REEP1: variants seen among roughly 807,000 people sequenced by gnomAD.
REEP1 encodes the protein receptor accessory protein 1, also known as receptor expression-enhancing protein 1.
In REEP1, 22 loss-of-function variants were observed where a neutral mutation model predicts 40.3. That is an observed-to-expected ratio of 0.55 (90% CI 0.39 to 0.78). REEP1 has a LOEUF of 0.78. Ranked by LOEUF, REEP1 falls within the 30% of genes least tolerant of loss-of-function variation. The probability of loss-of-function intolerance (pLI) is 0.00; values close to 1 mark genes in which losing one functional copy is unlikely to be tolerated. For synonymous variants in REEP1, 116 were observed against 139.2 expected, an observed-to-expected ratio of 0.83 and a Z score of 1.17; for missense variants, 280 against 361.1, an observed-to-expected ratio of 0.78 and a Z score of 1.82.
intron 1 of REEP1, among the ~76,000 whole-genome samples, chr2:86,332,436 AACACACACACAC>A (rs55793634): frequency 1.7e-4 from 23 of 136,228 alleles, no homozygotes; most frequent in South Asian, 7.6e-4. Context: ...CTTTCCTGGA[AACACACACACAC>A]ACACACACAC....
At chr2:86,271,568 T>C (rs1165458045) in intron 2 of REEP1, among the ~76,000 whole-genome samples, 1 of 152,242 alleles carries the variant, frequency 6.6e-6, no homozygotes, top group Non-Finnish European at 1.5e-5. Flanking sequence ...ATGAAAGCTG[T>C]TCTGGTGAAT....
At chr2:86,258,815 C>A (rs572046029) in intron 3 of REEP1, among the ~76,000 whole-genome samples, 2 of 152,332 alleles carry the variant, frequency 1.3e-5, no homozygotes, top group South Asian at 2.1e-4. Flanking sequence ...TTTCCTCCAT[C>A]TTTTCCAAGG....
At chr2:86,252,653 GC>G (rs1311583031) in intron 4 of REEP1, among the ~76,000 whole-genome samples, 2 of 152,318 alleles carry the variant, frequency 1.3e-5, no homozygotes, top group South Asian at 2.1e-4. Flanking sequence ...ACAGGGTTGA[GC>G]CCTTGCAGTT....
chr2:86,327,797 G>C (rs969070875), intron 1 of REEP1, among the ~76,000 whole-genome samples: 1 of 152,104 alleles, frequency 6.6e-6, no homozygotes, highest in Non-Finnish European at 1.5e-5. Context: ...TGGATCTCCT[G>C]ATCTCATGAT....
intron 8 of REEP1, among the ~76,000 whole-genome samples, chr2:86,217,538 C>T (rs1037684157): frequency 6.6e-6 from 1 of 152,116 alleles, no homozygotes; most frequent in Admixed American, 6.6e-5. Flanking sequence ...AATTTCCAGT[C>T]CCCTTTCTGG....
At chr2:86,303,731 G>A (rs1679360541) in intron 1 of REEP1, among the ~76,000 whole-genome samples, 1 of 152,134 alleles carries the variant, frequency 6.6e-6, no homozygotes, top group African/African-American at 2.4e-5. Context: ...TGAAAGGTGA[G>A]CAGGGATTTG....
At chr2:86,310,742 T>A (rs1243721712) in intron 1 of REEP1, among the ~76,000 whole-genome samples, 2 of 152,138 alleles carry the variant, frequency 1.3e-5, no homozygotes, top group African/African-American at 4.8e-5. Context: ...TATGTGTGTG[T>A]GTGTATGTGT....
At chr2:86,259,546 C>T (rs1676747075) in intron 3 of REEP1, among the ~76,000 whole-genome samples, 1 of 151,664 alleles carries the variant, frequency 6.6e-6, no homozygotes, top group South Asian at 2.1e-4. Context: ...ACCACCACAC[C>T]CAGCTAATTT....
intron 2 of REEP1, among the ~76,000 whole-genome samples, chr2:86,266,902 G>A (rs1483804005): frequency 6.6e-6 from 1 of 151,908 alleles, no homozygotes; most frequent in East Asian, 1.9e-4. Flanking sequence ...AGCTACTCAG[G>A]AGGCTGAGGT....
intron 5 of REEP1, among the ~76,000 whole-genome samples, chr2:86,243,046 G>A (rs2104144390): frequency 6.6e-6 from 1 of 152,282 alleles, no homozygotes; most frequent in South Asian, 2.1e-4. Flanking sequence ...ATATTCAGCA[G>A]AGAACCAGGA....
At chr2:86,274,757 T>C (rs1677648850) in intron 2 of REEP1, among the ~76,000 whole-genome samples, 1 of 152,120 alleles carries the variant, frequency 6.6e-6, no homozygotes, top group Non-Finnish European at 1.5e-5. Context: ...CCTGGACAAA[T>C]GGAACGTTGA....
chr2:86,221,541 T>A lies in REEP1; in HGVS notation c.632-1420A>T, dbSNP rs551410422. Among the ~76,000 whole-genome samples, 8 of 152,292 alleles carry A rather than the reference T, an allele frequency of 5.3e-5. No homozygotes were observed. In the East Asian group the frequency reaches 1.5e-3, roughly 29 times the overall value. On this transcript the variant is annotated intron_variant, in intron 7 of 8. Coordinates refer to ENST00000538924, the MANE Select transcript of REEP1 (RefSeq NM_001371279.1). ...TCCAGGGAGCCCTCGCTGAATACTC[T>A]GACCCTCCCTGGCCTCCCCACTCTG...
Position 86,282,160 on chromosome 2 carries a change from T to C in REEP1, c.105+10A>G, listed in dbSNP as rs776380158. 1.3e-5 allele frequency: 20 copies of C among 1,591,654 alleles called. No individual in the cohort carries two copies. The African/African-American group carries it at 2.1e-4, about 17-fold the overall frequency. On this transcript the variant is annotated intron_variant, in intron 2 of 8. Coordinates refer to ENST00000538924, the MANE Select transcript of REEP1 (RefSeq NM_001371279.1). ...AGCCAACCCGCTCGAAAATACACAG[T>C]GCTACTTACATATTCCTTAATGTCC... is the stretch of plus-strand genomic sequence containing the variant.
intron 1 of REEP1, among the ~76,000 whole-genome samples, chr2:86,283,514 ACT>A (rs1239884976): frequency 2.0e-5 from 3 of 152,330 alleles, no homozygotes; most frequent in Non-Finnish European, 1.5e-5. Flanking sequence ...GCTGTAGTTC[ACT>A]GGGTATTGAG....
intron 1 of REEP1, among the ~76,000 whole-genome samples, chr2:86,301,393 G>A (rs1453279683): frequency 6.6e-6 from 1 of 152,232 alleles, no homozygotes; most frequent in Admixed American, 6.5e-5. Context: ...GTCAGACATA[G>A]ATTCTCATCT....
intron 2 of REEP1, among the ~76,000 whole-genome samples, chr2:86,273,443 C>A (rs1465115767): frequency 1.3e-5 from 2 of 152,064 alleles, no homozygotes; most frequent in Non-Finnish European, 2.9e-5. Context: ...GCCACCAAGG[C>A]TGGCCAGTTT....
At chr2:86,333,719 C>G (rs925873587) in intron 1 of REEP1, among the ~76,000 whole-genome samples, 2 of 152,222 alleles carry the variant, frequency 1.3e-5, no homozygotes, top group African/African-American at 4.8e-5. Flanking sequence ...CAAAAACATG[C>G]TCTCCCCAGT....
chr2:86,294,485 T>C (rs1305024868), intron 1 of REEP1, among the ~76,000 whole-genome samples: 1 of 152,190 alleles, frequency 6.6e-6, no homozygotes, highest in African/African-American at 2.4e-5. Flanking sequence ...AAACAGAATA[T>C]ATAATCTTTC....
intron 4 of REEP1, among the ~76,000 whole-genome samples, chr2:86,253,133 G>C (rs1369743111): frequency 1.3e-5 from 2 of 152,148 alleles, no homozygotes; most frequent in Non-Finnish European, 1.5e-5. Flanking sequence ...AATACAAAAT[G>C]AGTCAGGCAT....
Sources: gnomAD v4.1 joint callset for allele counts (sites outside exome capture counted in the v4.1 genomes callset) on GRCh38, gnomAD v4.1.1 for gene constraint, MANE v1.5 for transcripts, NCBI Gene and HGNC (gene_info 2026-07-23, HGNC 2026-07-21) for gene names.